AK2: variants seen among roughly 807,000 people sequenced by gnomAD.
AK2 encodes the protein adenylate kinase 2.
A neutral mutation model predicts 24.6 loss-of-function variants in AK2; 15 were observed. That is an observed-to-expected ratio of 0.61 (90% CI 0.41 to 0.94). The LOEUF is 0.94. AK2 is among the 40% of genes least tolerant of loss of function. AK2 has a pLI of 0.00. For missense variants in AK2, 257 were observed against 304.1 expected, an observed-to-expected ratio of 0.85 and a Z score of 1.15; for synonymous variants, 102 against 114.0, an observed-to-expected ratio of 0.90 and a Z score of 0.67.
chr1:33,029,980 C>A (rs1640137490), intron 1 of AK2, among the ~76,000 whole-genome samples: 1 of 152,214 alleles, frequency 6.6e-6, no homozygotes, highest in Non-Finnish European at 1.5e-5. Flanking sequence ...CCTTCAACAT[C>A]TCTGTGGTAC....
At position 33,013,180 on chromosome 1, in the gene AK2, A is replaced by G. The variant is rs761900027; in HGVS notation, c.*1T>C. On this transcript the variant is annotated 3_prime_UTR_variant, in exon 6 of 6. Coordinates refer to ENST00000672715, the MANE Select transcript of AK2 (RefSeq NM_001625.4). ...AAAGAAATTCCTTCTTGGACCCAAC[A>G]TTAGATAAACATAACCAAGTCTTTA... 11 of 1,614,030 alleles carry G rather than the reference A, an allele frequency of 6.8e-6. No homozygotes were observed. The highest frequency in any genetic ancestry group is 9.3e-6 in the Non-Finnish European group (11 of 1,179,984).
chr1:33,009,090 G>A lies in AK2; in HGVS notation c.*4091C>T, dbSNP rs1038962620. 1 of 453,838 alleles carries A rather than the reference G, an allele frequency of 2.2e-6. No homozygotes were observed. Among genetic ancestry groups the A allele is most frequent in the African/African-American group, 2.0e-5 (1 of 50,010 alleles). The allele number at this position is 453,838 out of a possible 1,614,324, so 28.1% of individuals were successfully genotyped here. ...GACTCTGCACAGGTGAGGAAGTGGAGCAGAAGAGGGAGGGGCTGGTTCAGG... is the reference window on the plus strand; with the variant it reads ...GACTCTGCACAGGTGAGGAAGTGGAACAGAAGAGGGAGGGGCTGGTTCAGG... On this transcript the variant is annotated 3_prime_UTR_variant, in exon 6 of 6. Coordinates refer to ENST00000672715, the MANE Select transcript of AK2 (RefSeq NM_001625.4).
chr1:33,015,439 G>T (rs1207495139), intron 4 of AK2, among the ~76,000 whole-genome samples: 1 of 152,230 alleles, frequency 6.6e-6, no homozygotes, highest in Admixed American at 6.5e-5. Flanking sequence ...AAAGGAGGCA[G>T]GCCAAGCTCT....
In AK2 at chr1:33,011,897, C is replaced by G; in HGVS notation, c.*1284G>C. The G allele has an allele frequency of 6.5e-7, 1 of 1,530,832 alleles. No homozygotes were observed. Among genetic ancestry groups the G allele is most frequent in the Non-Finnish European group, 8.7e-7 (1 of 1,145,288 alleles). The allele number at this position is 1,530,832 out of a possible 1,614,324, so 94.8% of individuals were successfully genotyped here. A position where few individuals can be genotyped will look rare whatever the true frequency, so the allele number is the denominator to read the frequency against. ...TAAAATTAGGGGTGAAGGGTTGGAT[C>G]TAGAAAGGAGAGGGTTTGGGCTTAA... On this transcript the variant is annotated 3_prime_UTR_variant, in exon 6 of 6. Coordinates refer to ENST00000672715, the MANE Select transcript of AK2 (RefSeq NM_001625.4).
At chr1:33,035,966 A>G (rs1037344413) in intron 1 of AK2, among the ~76,000 whole-genome samples, 1 of 151,306 alleles carries the variant, frequency 6.6e-6, no homozygotes, top group Non-Finnish European at 1.5e-5. Context: ...CAAAAATAAT[A>G]AAAACAAAAT....
In AK2 at chr1:33,012,472, A is replaced by C; in HGVS notation, c.*709T>G. On this transcript the variant is annotated 3_prime_UTR_variant, in exon 6 of 6. Coordinates refer to ENST00000672715, the MANE Select transcript of AK2 (RefSeq NM_001625.4). ...GAACTGTGACCCTGCCTGACTTCAC[A>C]TGATCCTGGACTTCTAATCAGCTGC... The C allele has an allele frequency of 7.1e-7, 1 of 1,410,618 alleles. No homozygotes were observed. 87.4% of individuals were successfully genotyped at this position (1,410,618 alleles called of 1,614,324 possible).
chr1:33,013,384 T>C lies in AK2; in HGVS notation c.517A>G (p.Ile173Val). ...TTTTCATTATCATCTGATCGACGGA[T>C]CAAGGGTTCCCCGGTGATCTGAGAA... ...MKDDITGEPL[I>V]RRSDDNEKAL... is the part of the protein sequence containing the mutation. The change falls in exon 6 of 6, where the codon ATC (isoleucine) becomes GTC (valine). Residue 173 changes from isoleucine to valine, a missense_variant. Coordinates refer to ENST00000672715, the MANE Select transcript of AK2 (RefSeq NM_001625.4). 1 of 1,614,094 alleles carries C rather than the reference T, an allele frequency of 6.2e-7. No homozygotes were observed. The highest frequency in any genetic ancestry group is 8.5e-7 in the Non-Finnish European group (1 of 1,180,004).
intron 4 of AK2, among the ~76,000 whole-genome samples, chr1:33,016,789 T>A (rs1639217867): frequency 6.6e-6 from 1 of 152,114 alleles, no homozygotes; most frequent in African/African-American, 2.4e-5. Context: ...CACTGCAACC[T>A]CTGCCTCCCA....
Position 33,013,364 on chromosome 1 carries a change from A to G in AK2, c.537T>C (p.Asn179=), listed in dbSNP as rs199795886. The change falls in exon 6 of 6, where the codon AAT becomes AAC. Residue 179 remains asparagine (N), a synonymous_variant. Transcript: ENST00000672715. The part of the protein sequence containing the change: ...GEPLIRRSDD[N]EKALKIRLQA... ...GCAGGCGGATTTTCAAGGCCTTTTCATTATCATCTGATCGACGGATCAAGG... is the reference window on the plus strand; with the variant it reads ...GCAGGCGGATTTTCAAGGCCTTTTCGTTATCATCTGATCGACGGATCAAGG... 6.2e-6 allele frequency: 10 copies of G among 1,614,160 alleles called. No homozygotes were observed. The East Asian group carries it at 1.8e-4, about 29-fold the overall frequency.
chr1:33,031,047 G>C (rs750269286), intron 1 of AK2: 1 of 151,810 alleles, frequency 6.6e-6, no homozygotes, highest in Non-Finnish European at 1.5e-5. Context: ...ACCTGTGTTT[G>C]CATTTCAGAT....
chr1:33,035,481 G>A (rs913643563), intron 1 of AK2, among the ~76,000 whole-genome samples: 7 of 152,164 alleles, frequency 4.6e-5, no homozygotes, highest in Admixed American at 2.6e-4. Context: ...AGAGAAAAGC[G>A]GGCACAGGGC....
rs1412343485 is a variant in AK2, at chr1:33,011,100, G to T, written c.*2081C>A. On this transcript the variant is annotated 3_prime_UTR_variant, in exon 6 of 6. Transcript: ENST00000672715. ...AGCCCAAATATTACTTGTACATGTT[G>T]TATGCACACGTGAATCTATGTGGAC... The T allele has an allele frequency of 7.0e-6, 10 of 1,431,490 alleles. No homozygotes were observed. The highest frequency in any genetic ancestry group is 8.2e-6 in the Non-Finnish European group (9 of 1,097,396). The allele number at this position is 1,431,490 out of a possible 1,614,324, so 88.7% of individuals were successfully genotyped here. A position where few individuals can be genotyped will look rare whatever the true frequency, so the allele number is the denominator to read the frequency against.
intron 1 of AK2, chr1:33,029,413 T>TC (rs1228561839): frequency 1.3e-4 from 20 of 149,022 alleles, no homozygotes; most frequent in African/African-American, 3.5e-4. Context: ...GTTGAACTTT[T>TC]TTTTTTTTTT....
At position 33,012,622 on chromosome 1, in the gene AK2, T is replaced by C; in HGVS notation, c.*559A>G. ...TAAAGAAGTAAACAGCTGGGCTGGG[T>C]GTAGTGGCTCACGTCTGTGATCCTG... On this transcript the variant is annotated 3_prime_UTR_variant, in exon 6 of 6. Transcript: ENST00000672715. 7.8e-7 allele frequency: 1 copy of C among 1,289,602 alleles called. No homozygotes were observed. 79.9% of individuals were successfully genotyped at this position (1,289,602 alleles called of 1,614,324 possible). A position where few individuals can be genotyped will look rare whatever the true frequency, so the allele number is the denominator to read the frequency against.
intron 4 of AK2, among the ~76,000 whole-genome samples, chr1:33,018,764 A>G (rs1428919621): frequency 6.6e-6 from 1 of 152,178 alleles, no homozygotes; most frequent in Non-Finnish European, 1.5e-5. Flanking sequence ...CCTCAGTTAG[A>G]AATCTCCACC....
chr1:33,021,714 G>C lies in AK2; in HGVS notation c.220-11C>G, dbSNP rs748438509. 1.2e-6 allele frequency: 2 copies of C among 1,600,066 alleles called. No homozygotes were observed. Among genetic ancestry groups the C allele is most frequent in the Non-Finnish European group, 1.7e-6 (2 of 1,167,250 alleles). On this transcript the variant is annotated splice_polypyrimidine_tract_variant and intron_variant, in intron 2 of 5. Transcript: ENST00000672715. ...CATTTCATCACTCACCTGGAAGTTA[G>C]GAACAAAATAGCCTTGGGTTTAAAT...
At chr1:33,017,469 G>A (rs1433113698) in intron 4 of AK2, among the ~76,000 whole-genome samples, 3 of 152,164 alleles carry the variant, frequency 2.0e-5, no homozygotes, top group African/African-American at 7.2e-5. Context: ...CATGAGATAC[G>A]GACCAGGATA....
In AK2 at chr1:33,032,100, C is replaced by T. The variant is rs141478516; in HGVS notation, c.93+4636G>A. ...ATAACAAAGTATAGCAGGAAGAAAA[C>T]AAACATTACTGAGCAGGCACTAGGC... On this transcript the variant is annotated intron_variant, in intron 1 of 5. Coordinates refer to ENST00000672715, the MANE Select transcript of AK2 (RefSeq NM_001625.4). The T allele has an allele frequency of 9.7e-5, 16 of 165,784 alleles. No homozygotes were observed. The East Asian group carries it at 2.8e-3, about 29-fold the overall frequency. 10.3% of individuals were successfully genotyped at this position (165,784 alleles called of 1,614,324 possible).
intron 1 of AK2, among the ~76,000 whole-genome samples, chr1:33,029,810 T>C (rs1223949547): frequency 6.6e-6 from 1 of 152,196 alleles, no homozygotes; most frequent in Non-Finnish European, 1.5e-5. Flanking sequence ...TCCGGAGTAG[T>C]TGGGACTATG....
Sources: allele counts gnomAD v4.1 joint callset (sites outside exome capture counted in the v4.1 genomes callset), GRCh38; gene constraint gnomAD v4.1.1; transcripts MANE v1.5; gene names NCBI Gene and HGNC (gene_info 2026-07-23, HGNC 2026-07-21).